Variants in ARHGAP42 observed in about 807,000 individuals in gnomAD.
ARHGAP42 encodes Rho GTPase activating protein 42, also known as rho GTPase-activating protein 42.
In ARHGAP42, 63 loss-of-function variants were observed where a neutral mutation model predicts 125.0. The ratio of observed to expected loss-of-function variants is 0.50; its 90% confidence interval spans 0.41 to 0.62. The LOEUF is 0.62. ARHGAP42 is among the 20% of genes least tolerant of loss of function. ARHGAP42 has a pLI of 0.00. For missense variants in ARHGAP42, 766 were observed against 1,024.2 expected, an observed-to-expected ratio of 0.75 and a Z score of 3.44; for synonymous variants, 339 against 351.0, an observed-to-expected ratio of 0.97 and a Z score of 0.38.
intron 5 of ARHGAP42, among the ~76,000 whole-genome samples, chr11:100,915,804 A>G (rs1867046309): frequency 6.6e-6 from 1 of 152,198 alleles, no homozygotes; most frequent in African/African-American, 2.4e-5. Flanking sequence ...ATTTTGTTAA[A>G]GTAGCTTCCC....
intron 4 of ARHGAP42, among the ~76,000 whole-genome samples, chr11:100,894,872 T>C (rs558253904): frequency 1.3e-5 from 2 of 152,310 alleles, no homozygotes; most frequent in South Asian, 4.1e-4. Flanking sequence ...ACTGTTGATA[T>C]TCCTACCGGT....
intron 4 of ARHGAP42, among the ~76,000 whole-genome samples, chr11:100,889,340 G>A (rs1866165196): frequency 6.6e-6 from 1 of 152,144 alleles, no homozygotes; most frequent in Non-Finnish European, 1.5e-5. Context: ...ATGCCATAAT[G>A]AAAGGGCTTA....
chr11:100,807,358 G>A (rs1211661131), intron 3 of ARHGAP42, among the ~76,000 whole-genome samples: 1 of 151,854 alleles, frequency 6.6e-6, no homozygotes, highest in Non-Finnish European at 1.5e-5. Flanking sequence ...AACATGTCTG[G>A]CCAATTTTTG....
At chr11:100,854,849 T>C (rs1865288687) in intron 3 of ARHGAP42, among the ~76,000 whole-genome samples, 1 of 152,184 alleles carries the variant, frequency 6.6e-6, no homozygotes, top group Non-Finnish European at 1.5e-5. Context: ...GATGCTTGCT[T>C]GTAATCAATC....
intron 3 of ARHGAP42, among the ~76,000 whole-genome samples, chr11:100,812,277 A>G (rs1864164885): frequency 6.6e-6 from 1 of 152,226 alleles, no homozygotes; most frequent in African/African-American, 2.4e-5. Context: ...TTTTATTTAC[A>G]AAACAGACGA....
At position 100,734,225 on chromosome 11, in the gene ARHGAP42, G is replaced by T. The variant is rs143738234; in HGVS notation, c.155-36118G>T. On this transcript the variant is annotated intron_variant, in intron 1 of 23. Transcript: ENST00000298815. ...TGGGATTACAAGCGTGAGCCACCGC[G>T]CCTGGCCCAAAGCAAAGCTTTTATG... 2.6e-5 allele frequency among the ~76,000 whole-genome samples: 4 copies of T among 151,630 alleles called. No individual in the cohort carries two copies. The East Asian group carries it at 5.9e-4, about 22-fold the overall frequency.
chr11:100,741,282 C>T (rs1162500613), intron 1 of ARHGAP42, among the ~76,000 whole-genome samples: 3 of 152,160 alleles, frequency 2.0e-5, no homozygotes, highest in Non-Finnish European at 4.4e-5. Context: ...CCACCCACCT[C>T]GGCTTCCCAA....
chr11:100,844,655 A>G (rs558678862), intron 3 of ARHGAP42, among the ~76,000 whole-genome samples: 1 of 151,150 alleles, frequency 6.6e-6, no homozygotes, highest in Non-Finnish European at 1.5e-5. Flanking sequence ...GACAATTCTA[A>G]AAGGAGATAG....
intron 4 of ARHGAP42, among the ~76,000 whole-genome samples, chr11:100,887,540 G>A: frequency 6.6e-6 from 1 of 152,194 alleles, no homozygotes; most frequent in South Asian, 2.1e-4. Context: ...AATCCTTGAA[G>A]TACTTACATG....
chr11:100,835,373 TAA>T lies in ARHGAP42; in HGVS notation c.313-24178_313-24177del, dbSNP rs149002511. On this transcript the variant is annotated intron_variant, in intron 3 of 23. Coordinates refer to ENST00000298815, the MANE Select transcript of ARHGAP42 (RefSeq NM_152432.4). The stretch of plus-strand genomic sequence containing the variant: ...ATTTAACCCTAAAGGTTTCTGACTA[TAA>T]AACTTAAAGTCCTAAGGTGTCCTTG... 4.7e-3 allele frequency among the ~76,000 whole-genome samples: 710 copies of T among 152,320 alleles called. 5 individuals are homozygous for T. Among genetic ancestry groups the T allele is most frequent in the African/African-American group, 0.016 (657 of 41,588 alleles).
rs973722321 is a variant in ARHGAP42 at position 100,992,240 on chromosome 11, G to A, written c.*3439G>A. ...ACTTATACTTTGACTAAAGTCAGAG[G>A]CAGACCAATTTAGGGAACAGATTTT... is the stretch of plus-strand genomic sequence containing the variant. On this transcript the variant is annotated 3_prime_UTR_variant, in exon 24 of 24. Transcript: ENST00000298815. 9 of 1,511,478 alleles carry A rather than the reference G, an allele frequency of 6.0e-6. No homozygotes were observed. Among genetic ancestry groups the A allele is most frequent in the Non-Finnish European group, 7.1e-6 (8 of 1,129,860 alleles). The allele number at this position is 1,511,478 out of a possible 1,614,324, so 93.6% of individuals were successfully genotyped here.
intron 3 of ARHGAP42, among the ~76,000 whole-genome samples, chr11:100,845,364 G>C (rs532565493): frequency 6.0e-4 from 91 of 152,168 alleles, no homozygotes; most frequent in African/African-American, 2.1e-3. Flanking sequence ...GGGTGGGAAG[G>C]GGGTGAGGGG....
intron 4 of ARHGAP42, among the ~76,000 whole-genome samples, chr11:100,885,497 C>T (rs980056229): frequency 2.6e-5 from 4 of 152,102 alleles, no homozygotes; most frequent in East Asian, 1.9e-4. Flanking sequence ...ACTGGGGTAT[C>T]GGATGCCTTT....
chr11:100,786,509 A>G (rs961667382), intron 2 of ARHGAP42, among the ~76,000 whole-genome samples: 3 of 152,168 alleles, frequency 2.0e-5, no homozygotes, highest in Non-Finnish European at 4.4e-5. Flanking sequence ...TGTGAAATAT[A>G]TACACTTACC....
chr11:100,777,401 A>C (rs1020576623), intron 2 of ARHGAP42, among the ~76,000 whole-genome samples: 3 of 152,208 alleles, frequency 2.0e-5, no homozygotes, highest in Non-Finnish European at 4.4e-5. Flanking sequence ...GGGTGTCAAG[A>C]AGAATTTTTT....
chr11:100,760,489 A>C (rs1239530628), intron 1 of ARHGAP42, among the ~76,000 whole-genome samples: 1 of 152,162 alleles, frequency 6.6e-6, no homozygotes, highest in Non-Finnish European at 1.5e-5. Flanking sequence ...ACTTGAGGTC[A>C]GGAGTTTGAG....
intron 12 of ARHGAP42, among the ~76,000 whole-genome samples, chr11:100,956,840 G>T (rs79044971): frequency 0.05 from 7,534 of 152,096 alleles, 327 homozygotes; most frequent in East Asian, 0.25. Context: ...CTCTATCCAT[G>T]AATATTTTAA....
intron 22 of ARHGAP42, among the ~76,000 whole-genome samples, chr11:100,980,589 T>TTTTTTTTTTTTTTTG (rs1858516799): frequency 8.8e-6 from 1 of 114,226 alleles, no homozygotes; most frequent in Non-Finnish European, 1.7e-5. Flanking sequence ...TTTTTTTTTT[T>TTTTTTTTTTTTTTTG]GAGAAAGAGC....
At chr11:100,819,407 G>C (rs1292384269) in intron 3 of ARHGAP42, among the ~76,000 whole-genome samples, 1 of 152,132 alleles carries the variant, frequency 6.6e-6, no homozygotes, top group Non-Finnish European at 1.5e-5. Context: ...GGGGTACAGG[G>C]CTGAGGAGAT....
Sources: allele counts gnomAD v4.1 joint callset (sites outside exome capture counted in the v4.1 genomes callset), GRCh38; gene constraint gnomAD v4.1.1; transcripts MANE v1.5; gene names NCBI Gene and HGNC (gene_info 2026-07-23, HGNC 2026-07-21).